The following FMN2 variants were observed in gnomAD, a reference collection of about 807,000 sequenced individuals.
FMN2 encodes formin 2, also known as formin-2.
A neutral mutation model predicts 142.3 loss-of-function variants in FMN2; 51 were observed. That is an observed-to-expected ratio of 0.36 (90% CI 0.29 to 0.45). The LOEUF (loss-of-function observed/expected upper bound fraction) is 0.45, where lower values mean the gene tolerates loss of function less well. Ranked by LOEUF, FMN2 falls within the 20% of genes least tolerant of loss-of-function variation. FMN2 has a pLI of 1.00. For synonymous variants in FMN2, 882 were observed against 869.8 expected (o/e 1.01, Z -0.25); for missense variants, 1,936 against 2,122.8 (o/e 0.91, Z 1.73).
chr1:240,374,750 G>T (rs1275253709), intron 14 of FMN2, among the ~76,000 whole-genome samples: 1 of 152,062 alleles, frequency 6.6e-6, no homozygotes, highest in Non-Finnish European at 1.5e-5. Context: ...TTGCTTTCTT[G>T]TCCTTCATTT....
intron 1 of FMN2, among the ~76,000 whole-genome samples, chr1:240,094,991 A>G (rs893658405): frequency 1.3e-5 from 2 of 152,160 alleles, no homozygotes; most frequent in Non-Finnish European, 2.9e-5. Flanking sequence ...TTCATTTCAC[A>G]TACTCTTATT....
chr1:240,225,338 G>A (rs1312205741), intron 6 of FMN2, among the ~76,000 whole-genome samples: 1 of 152,182 alleles, frequency 6.6e-6, no homozygotes, highest in Non-Finnish European at 1.5e-5. Context: ...AGCCCCAGTG[G>A]TTAAGGGTAA....
At chr1:240,191,282 T>C (rs1558349761) in intron 4 of FMN2, among the ~76,000 whole-genome samples, 2 of 152,226 alleles carry the variant, frequency 1.3e-5, no homozygotes, top group Non-Finnish European at 2.9e-5. Flanking sequence ...GCGATATCCC[T>C]AGAAAAAACA....
intron 3 of FMN2, among the ~76,000 whole-genome samples, chr1:240,183,034 A>G (rs1665218544): frequency 6.6e-6 from 1 of 151,270 alleles, no homozygotes; most frequent in African/African-American, 2.4e-5. Context: ...CTTCCACCTC[A>G]GCCTCCCAAA....
At chr1:240,306,946 CTGGTGTGAGA>C (rs1358005710) in intron 8 of FMN2, among the ~76,000 whole-genome samples, 2 of 152,186 alleles carry the variant, frequency 1.3e-5, no homozygotes, top group Non-Finnish European at 2.9e-5. Context: ...GCCATTCTCA[CTGGTGTGAGA>C]TGGCATCTCA....
chr1:240,380,759 T>C (rs1409377374), intron 14 of FMN2, among the ~76,000 whole-genome samples: 1 of 141,118 alleles, frequency 7.1e-6, no homozygotes, highest in East Asian at 2.1e-4. Context: ...CAGAACTAAA[T>C]GAGATTGAGA....
intron 1 of FMN2, among the ~76,000 whole-genome samples, chr1:240,109,011 G>C (rs1290120868): frequency 6.6e-6 from 1 of 152,106 alleles, no homozygotes; most frequent in African/African-American, 2.4e-5. Context: ...ACTCCAGCCT[G>C]GGCAACAGAG....
At chr1:240,145,066 A>G (rs12127948) in intron 2 of FMN2, 474,666 of 1,405,952 alleles carry the variant, frequency 0.34, 82,226 homozygotes, top group Admixed American at 0.4. Context: ...TCAGTTTGCC[A>G]TAGTGTGGAC....
intron 16 of FMN2, chr1:240,458,528 G>A (rs1676328918): frequency 6.6e-6 from 1 of 152,156 alleles, no homozygotes; most frequent in Non-Finnish European, 1.5e-5. Flanking sequence ...GGCTAGAGAA[G>A]GGTCAGAAAC....
At chr1:240,154,998 C>A (rs6699282) in intron 2 of FMN2, among the ~76,000 whole-genome samples, 16 of 151,272 alleles carry the variant, frequency 1.1e-4, no homozygotes, top group African/African-American at 3.6e-4. Context: ...GCAATCCCCC[C>A]CCCGACCTTG....
intron 8 of FMN2, among the ~76,000 whole-genome samples, chr1:240,295,929 T>C (rs1229846335): frequency 6.6e-6 from 1 of 152,204 alleles, no homozygotes; most frequent in African/African-American, 2.4e-5. Flanking sequence ...ACACCTGTTA[T>C]CTCTCTCCTA....
At chr1:240,435,856 C>A (rs1006013385) in intron 15 of FMN2, among the ~76,000 whole-genome samples, 1 of 152,096 alleles carries the variant, frequency 6.6e-6, no homozygotes, top group Admixed American at 6.6e-5. Context: ...ATATGGCTAC[C>A]CAAACAGGTG....
At chr1:240,425,353 A>G (rs1234026445) in intron 15 of FMN2, among the ~76,000 whole-genome samples, 3 of 152,172 alleles carry the variant, frequency 2.0e-5, no homozygotes, top group African/African-American at 7.2e-5. Flanking sequence ...TAAAGATGGG[A>G]TATTACTGCT....
intron 16 of FMN2, among the ~76,000 whole-genome samples, chr1:240,462,812 A>T (rs1439283461): frequency 6.6e-6 from 1 of 152,190 alleles, no homozygotes; most frequent in African/African-American, 2.4e-5. Context: ...TGGGGGGGAA[A>T]GAAGTATGTG....
At chr1:240,414,210 G>C (rs12075094) in intron 15 of FMN2, among the ~76,000 whole-genome samples, 9 of 152,198 alleles carry the variant, frequency 5.9e-5, no homozygotes, top group Non-Finnish European at 1.0e-4. Flanking sequence ...TGGATCGTCT[G>C]TGCCTTTTGT....
chr1:240,313,292 C>T (rs896289549), intron 8 of FMN2, among the ~76,000 whole-genome samples: 3 of 152,138 alleles, frequency 2.0e-5, no homozygotes, highest in African/African-American at 4.8e-5. Flanking sequence ...ATATGCATAA[C>T]GCCCTTTTCA....
chr1:240,189,253 C>G (rs1036579818), intron 4 of FMN2, among the ~76,000 whole-genome samples: 1 of 151,356 alleles, frequency 6.6e-6, no homozygotes, highest in Non-Finnish European at 1.5e-5. Context: ...GATATAAAAC[C>G]ATTGCTTACA....
intron 16 of FMN2, among the ~76,000 whole-genome samples, chr1:240,454,111 G>A (rs866411243): frequency 1.3e-5 from 2 of 151,992 alleles, no homozygotes; most frequent in South Asian, 2.1e-4. Context: ...AGCATGATCC[G>A]CCACTTAATA....
At chr1:240,274,233 AAAAG>A (rs1669116630) in intron 7 of FMN2, among the ~76,000 whole-genome samples, 1 of 152,116 alleles carries the variant, frequency 6.6e-6, no homozygotes, top group African/African-American at 2.4e-5. Flanking sequence ...AAAAAAAAAA[AAAAG>A]AGAGAGTGGA....
Sources: allele counts gnomAD v4.1 joint callset (sites outside exome capture counted in the v4.1 genomes callset), GRCh38; gene constraint gnomAD v4.1.1; transcripts MANE v1.5; gene names NCBI Gene and HGNC (gene_info 2026-07-23, HGNC 2026-07-21).